Variants in ABLIM2 observed in about 807,000 individuals in gnomAD.
ABLIM2 encodes the protein actin binding LIM protein family member 2.
In ABLIM2, 53 loss-of-function variants were observed where a neutral mutation model predicts 97.7. The ratio of observed to expected loss-of-function variants is 0.54; its 90% confidence interval spans 0.44 to 0.68. ABLIM2 has a LOEUF of 0.68. Ranked by LOEUF, ABLIM2 falls within the 30% of genes least tolerant of loss-of-function variation. ABLIM2 has a pLI of 0.00. For missense variants in ABLIM2, 835 were observed against 867.2 expected (o/e 0.96, Z 0.47); for synonymous variants, 361 against 345.8 (o/e 1.04, Z -0.49).
chr4:8,000,727 C>T (rs111947739), intron 16 of ABLIM2, among the ~76,000 whole-genome samples: 1,738 of 152,212 alleles, frequency 0.011, 38 homozygotes, highest in African/African-American at 0.04. Context: ...TGGGAAGATG[C>T]GGCCAATCAC....
At position 8,054,063 on chromosome 4, in the gene ABLIM2, C is replaced by G. The variant is rs767643596; in HGVS notation, c.822+125G>C. On this transcript the variant is annotated intron_variant, in intron 8 of 20. Coordinates refer to ENST00000447017, the MANE Select transcript of ABLIM2 (RefSeq NM_001130083.2). This position sits in a 1 kb window ranked among gnomAD's most constrained non-coding sequence, Gnocchi z 4.9. ...TCCCCACCTCCTAAGCCTGGCTGCC[C>G]CCATCCTGCAGCCCGTGGGACTGGA... 14 of 1,084,584 alleles carry G rather than the reference C, an allele frequency of 1.3e-5. No homozygotes were observed. The Admixed American group carries it at 2.7e-4, about 21-fold the overall frequency. 67.2% of individuals were successfully genotyped at this position (1,084,584 alleles called of 1,614,324 possible). A position where few individuals can be genotyped will look rare whatever the true frequency, so the allele number is the denominator to read the frequency against.
intron 8 of ABLIM2, among the ~76,000 whole-genome samples, chr4:8,050,340 C>G (rs1264391815): frequency 6.6e-6 from 1 of 152,174 alleles, no homozygotes; most frequent in Non-Finnish European, 1.5e-5. Context: ...GGCAGCCATG[C>G]GATCAGGGCC....
In ABLIM2 at chr4:8,027,862, G is replaced by C. The variant is rs778687719; in HGVS notation, c.1169-5C>G. The C allele has an allele frequency of 6.4e-7, 1 of 1,574,450 alleles. No homozygotes were observed. Among genetic ancestry groups the C allele is most frequent in the African/African-American group, 1.4e-5 (1 of 72,962 alleles). On this transcript the variant is annotated splice_region_variant and splice_polypyrimidine_tract_variant and intron_variant, in intron 11 of 20. Coordinates refer to ENST00000447017, the MANE Select transcript of ABLIM2 (RefSeq NM_001130083.2). ...TACCCACACTCACAGTACCAGCTACGGGGTAACAGAGAGCAAGTCAGAGTC... is the reference window on the plus strand; with the variant it reads ...TACCCACACTCACAGTACCAGCTACCGGGTAACAGAGAGCAAGTCAGAGTC...
At chr4:8,066,360 G>A (rs866998799) in intron 6 of ABLIM2, among the ~76,000 whole-genome samples, 3 of 51,200 alleles carry the variant, frequency 5.9e-5, no homozygotes, top group African/African-American at 1.4e-4. Context: ...GAGGGAGGGA[G>A]GGAAGGAAGG....
At position 8,148,648 on chromosome 4, in the gene ABLIM2, T is replaced by C. The variant is rs969582511; in HGVS notation, c.10+10032A>G. On this transcript the variant is annotated intron_variant, in intron 1 of 20. Coordinates refer to ENST00000447017, the MANE Select transcript of ABLIM2 (RefSeq NM_001130083.2). The surrounding 1 kb of genome is among the most constrained non-coding windows in gnomAD (Gnocchi z 6.7). ...GGGAAGCGCGTAAGCCGTTCCCCCG[T>C]GGGCATGCACAGCAGAGTCCTGCTT... Among the ~76,000 whole-genome samples the C allele has an allele frequency of 1.3e-5, 2 of 152,100 alleles. No homozygotes were observed. The highest frequency in any genetic ancestry group is 2.4e-5 in the African/African-American group (1 of 41,404).
At chr4:8,109,991 G>A (rs59302092) in intron 1 of ABLIM2, among the ~76,000 whole-genome samples, 4,482 of 152,338 alleles carry the variant, frequency 0.029, 206 homozygotes, top group African/African-American at 0.1. Context: ...ATGGTGGGGA[G>A]GGTACAGCAG....
chr4:7,968,629 C>T (rs887770279), intron 20 of ABLIM2, among the ~76,000 whole-genome samples: 1 of 152,172 alleles, frequency 6.6e-6, no homozygotes, highest in Admixed American at 6.5e-5. Context: ...CCGGAACAGG[C>T]AAGTCCATAG....
Position 8,008,160 on chromosome 4 carries a change from G to C in ABLIM2, c.1517C>G (p.Thr506Arg). ...GTCCAGGTCTGGAGAATTGGTCCTT[G>C]TGTCTGCATCCCCCTTGAGCATCAG... Reference protein sequence around the residue: ...SWLMLKGDADTRTNSPDLDTQ... With the variant: ...SWLMLKGDADRRTNSPDLDTQ... Residue 506 changes from threonine (T) to arginine (R), a missense_variant, in exon 16 of 21, where the codon ACA becomes AGA. Transcript: ENST00000447017. 1 of 1,613,980 alleles carries C rather than the reference G, an allele frequency of 6.2e-7. No homozygotes were observed. The highest frequency in any genetic ancestry group is 8.5e-7 in the Non-Finnish European group (1 of 1,179,880).
intron 17 of ABLIM2, among the ~76,000 whole-genome samples, chr4:7,991,498 C>T (rs1194695982): frequency 6.6e-6 from 1 of 150,954 alleles, no homozygotes; most frequent in Non-Finnish European, 1.5e-5. Flanking sequence ...CCACTGTCCC[C>T]AGGACCCCTA....
chr4:8,052,827 C>G (rs930948028), intron 8 of ABLIM2, among the ~76,000 whole-genome samples: 1 of 152,246 alleles, frequency 6.6e-6, no homozygotes, highest in Non-Finnish European at 1.5e-5. Flanking sequence ...AAACAAGAGC[C>G]CAGACTTGCC....
In ABLIM2 at chr4:7,966,962, A is replaced by G; in HGVS notation, c.*28T>C. 6.7e-7 allele frequency: 1 copy of G among 1,487,574 alleles called. No homozygotes were observed. The highest frequency in any genetic ancestry group is 9.1e-7 in the Non-Finnish European group (1 of 1,096,218). The allele number at this position is 1,487,574 out of a possible 1,614,324, so 92.1% of individuals were successfully genotyped here. ...GGGGCCCCTGGCCTCGGCGCCCGGC[A>G]CACACCAGTGGGGCAGGCTGGCAGC... is the stretch of plus-strand genomic sequence containing the variant. On this transcript the variant is annotated 3_prime_UTR_variant, in exon 21 of 21. Transcript: ENST00000447017.
chr4:8,051,997 GC>G (rs968581914), intron 8 of ABLIM2, among the ~76,000 whole-genome samples: 5 of 152,168 alleles, frequency 3.3e-5, no homozygotes, highest in African/African-American at 7.2e-5. Flanking sequence ...TGGCTTTGGA[GC>G]CCCCCCTCCC....
chr4:8,070,090 CTG>C (rs1236657268), intron 6 of ABLIM2, among the ~76,000 whole-genome samples: 3 of 151,414 alleles, frequency 2.0e-5, no homozygotes, highest in East Asian at 3.9e-4. Flanking sequence ...CTGTGTCTTT[CTG>C]TGTGTTTGTG....
intron 3 of ABLIM2, among the ~76,000 whole-genome samples, chr4:8,093,282 CAT>C (rs1388393035): frequency 6.6e-6 from 1 of 152,228 alleles, no homozygotes; most frequent in Non-Finnish European, 1.5e-5. Flanking sequence ...ACCTTGAACT[CAT>C]ATCTAACATG....
chr4:8,016,418 A>G (rs1052879245), intron 14 of ABLIM2, among the ~76,000 whole-genome samples: 1 of 152,066 alleles, frequency 6.6e-6, no homozygotes, highest in Admixed American at 6.6e-5. Context: ...TCCCTGCCCG[A>G]TATCAAGTGT....
At chr4:8,034,044 C>T (rs1163655287) in intron 10 of ABLIM2, among the ~76,000 whole-genome samples, 4 of 152,200 alleles carry the variant, frequency 2.6e-5, no homozygotes, top group African/African-American at 9.7e-5. Flanking sequence ...GCTTGAATCG[C>T]ACGTCCCAGA....
At chr4:8,131,708 C>T (rs1255131955) in intron 1 of ABLIM2, among the ~76,000 whole-genome samples, 1 of 107,646 alleles carries the variant, frequency 9.3e-6, no homozygotes, top group African/African-American at 4.1e-5. Context: ...GCACAGCAGC[C>T]CGCATCCCTG....
chr4:8,093,649 T>C (rs930198696), intron 3 of ABLIM2, among the ~76,000 whole-genome samples: 1 of 152,234 alleles, frequency 6.6e-6, no homozygotes, highest in Admixed American at 6.5e-5. Context: ...AATTATTTGA[T>C]AGATATTTTT....
rs1712369582 is a variant in ABLIM2 at position 8,150,694 on chromosome 4, A to C, written c.10+7986T>G. On this transcript the variant is annotated intron_variant, in intron 1 of 20. Coordinates refer to ENST00000447017, the MANE Select transcript of ABLIM2 (RefSeq NM_001130083.2). This position sits in a 1 kb window ranked among gnomAD's most constrained non-coding sequence, Gnocchi z 6.3. The stretch of plus-strand genomic sequence containing the variant: ...AAAATGAAGCTTCGAGCTGAGACCG[A>C]TGACTCAAGACACCACGCCTCCTGA... Among the ~76,000 whole-genome samples the C allele has an allele frequency of 6.6e-6, 1 of 152,204 alleles. No individual in the cohort carries two copies. Among genetic ancestry groups the C allele is most frequent in the Non-Finnish European group, 1.5e-5 (1 of 68,028 alleles).
Sources: allele counts gnomAD v4.1 joint callset (sites outside exome capture counted in the v4.1 genomes callset), GRCh38; gene constraint gnomAD v4.1.1; non-coding constraint Gnocchi (gnomAD v3.1); transcripts MANE v1.5; gene names NCBI Gene and HGNC (gene_info 2026-07-23, HGNC 2026-07-21).